The following SCML4 variants were observed in gnomAD, a reference collection of about 807,000 sequenced individuals.
The protein encoded by SCML4 is Scm polycomb group protein like 4, also known as sex comb on midleg-like protein 4.
SCML4 carries 34 observed loss-of-function variants against 41.1 expected under a neutral mutation model. That is an observed-to-expected ratio of 0.83 (90% CI 0.63 to 1.10). SCML4 has a LOEUF of 1.10. Among genes scored for constraint, SCML4 ranks in the 50% least tolerant of loss-of-function variants. The pLI is 0.00. For missense variants in SCML4, 522 were observed against 534.1 expected, an observed-to-expected ratio of 0.98 and a Z score of 0.22; for synonymous variants, 214 against 220.9, an observed-to-expected ratio of 0.97 and a Z score of 0.28.
At chr6:107,784,887 C>G (rs181278143) in intron 1 of SCML4, among the ~76,000 whole-genome samples, 4,871 of 152,282 alleles carry the variant, frequency 0.032, 285 homozygotes, top group African/African-American at 0.11. Context: ...AGTGGTTTGG[C>G]TGAGCAGACC....
intron 6 of SCML4, among the ~76,000 whole-genome samples, chr6:107,712,590 C>A (rs375799120): frequency 6.6e-6 from 1 of 152,002 alleles, no homozygotes; most frequent in Non-Finnish European, 1.5e-5. Context: ...CTGGCTCGGG[C>A]GTGTTTCTTA....
At chr6:107,708,483 A>G (rs1773902683) in intron 6 of SCML4, among the ~76,000 whole-genome samples, 1 of 152,088 alleles carries the variant, frequency 6.6e-6, no homozygotes, top group South Asian at 2.1e-4. Context: ...CATGGCCTTC[A>G]CATTGAGAGG....
intron 2 of SCML4, among the ~76,000 whole-genome samples, chr6:107,756,745 T>C (rs1779146489): frequency 6.6e-6 from 1 of 152,226 alleles, no homozygotes; most frequent in South Asian, 2.1e-4. Context: ...GCAATACTTC[T>C]GTAAACTGAA....
At chr6:107,705,515 C>G (rs1391322955) in intron 7 of SCML4, among the ~76,000 whole-genome samples, 190 bp from the exon 8 acceptor site, 1 of 152,148 alleles carries the variant, frequency 6.6e-6, no homozygotes, top group Non-Finnish European at 1.5e-5. Context: ...TCTCCTCTCC[C>G]CATCATCTCC....
chr6:107,825,716 G>A (rs1361638911), upstream of SCML4, among the ~76,000 whole-genome samples: 9 of 151,902 alleles, frequency 5.9e-5, no homozygotes, highest in Non-Finnish European at 1.0e-4. Flanking sequence ...CAAGGCGGGT[G>A]GATCACGAGG....
Position 107,705,141 on chromosome 6 carries a change from G to A in SCML4, c.*59C>T, listed in dbSNP as rs1773475656. Reference sequence around the variant, plus strand: ...TGTGATGTTGGCGGGATATTGGTAAGGCAGAAGATAATCTTGGGATCTGTT... The same window carrying A: ...TGTGATGTTGGCGGGATATTGGTAAAGCAGAAGATAATCTTGGGATCTGTT... On this transcript the variant is annotated 3_prime_UTR_variant, in exon 8 of 8. Transcript: ENST00000369020. 1 of 1,460,032 alleles carries A rather than the reference G, an allele frequency of 6.8e-7. No homozygotes were observed. The highest frequency in any genetic ancestry group is 1.4e-5 in the African/African-American group (1 of 71,360). The allele number at this position is 1,460,032 out of a possible 1,614,324, so 90.4% of individuals were successfully genotyped here. A position where few individuals can be genotyped will look rare whatever the true frequency, so the allele number is the denominator to read the frequency against.
At chr6:107,776,632 C>T (rs1780973782) in intron 1 of SCML4, among the ~76,000 whole-genome samples, 1 of 152,138 alleles carries the variant, frequency 6.6e-6, no homozygotes, top group Non-Finnish European at 1.5e-5. Context: ...GGCAAGGGTA[C>T]AAATTGGCTA....
At chr6:107,843,078 A>C in the SCML4 span, among the ~76,000 whole-genome samples, 838 of 152,260 alleles carry the variant, frequency 5.5e-3, 10 homozygotes, top group African/African-American at 0.019. Context: ...TATGCATGCA[A>C]TCAAAATACC....
At chr6:107,803,609 G>C (rs546147000) in intron 1 of SCML4, among the ~76,000 whole-genome samples, 26 of 144,952 alleles carry the variant, frequency 1.8e-4, no homozygotes, top group Middle Eastern at 6.9e-3. Context: ...GAATAGAAAC[G>C]GGGGAAAGGT....
chr6:107,718,672 T>A (rs547661721), intron 6 of SCML4: 19 of 152,328 alleles, frequency 1.2e-4, no homozygotes, highest in African/African-American at 4.1e-4. Context: ...GTGATAGAAG[T>A]TCTCTCCAAC....
chr6:107,838,131 C>T, the SCML4 span, among the ~76,000 whole-genome samples: 1 of 152,092 alleles, frequency 6.6e-6, no homozygotes, highest in African/African-American at 2.4e-5. Flanking sequence ...TGGTCTTGAA[C>T]TCTTGACCTC....
chr6:107,712,885 T>C (rs1774366897), intron 6 of SCML4, among the ~76,000 whole-genome samples: 1 of 152,152 alleles, frequency 6.6e-6, no homozygotes, highest in Non-Finnish European at 1.5e-5. Flanking sequence ...ACATGATGGA[T>C]GTGGAAAAGT....
At chr6:107,781,218 T>A (rs1455512401) in intron 1 of SCML4, among the ~76,000 whole-genome samples, 4 of 151,680 alleles carry the variant, frequency 2.6e-5, no homozygotes, top group Non-Finnish European at 5.9e-5. Flanking sequence ...GCAACAAAAA[T>A]TAGAAACAAA....
At chr6:107,711,423 G>T (rs1282551516) in intron 6 of SCML4, among the ~76,000 whole-genome samples, 2 of 152,170 alleles carry the variant, frequency 1.3e-5, no homozygotes, top group Non-Finnish European at 2.9e-5. Context: ...CCAGTATTCA[G>T]TACAGTAACA....
chr6:107,802,310 T>C (rs1783200340), intron 1 of SCML4, among the ~76,000 whole-genome samples: 2 of 152,244 alleles, frequency 1.3e-5, no homozygotes, highest in East Asian at 1.9e-4. Flanking sequence ...TTATTTGACA[T>C]TGATGGTCCA....
intron 2 of SCML4, among the ~76,000 whole-genome samples, chr6:107,757,358 C>A (rs1323437208): frequency 6.6e-6 from 1 of 152,162 alleles, no homozygotes; most frequent in African/African-American, 2.4e-5. Context: ...AAACATCTGG[C>A]TTTGGCAGTA....
chr6:107,811,906 A>T (rs1784185482), intron 1 of SCML4, among the ~76,000 whole-genome samples: 1 of 152,206 alleles, frequency 6.6e-6, no homozygotes, highest in South Asian at 2.1e-4. Context: ...TAACCATCCC[A>T]TCTGAACTGT....
chr6:107,784,307 C>A (rs1411316020), intron 1 of SCML4, among the ~76,000 whole-genome samples: 3 of 152,058 alleles, frequency 2.0e-5, no homozygotes. Flanking sequence ...GAGAAGGGAC[C>A]CAGAGGATGG....
chr6:107,720,129 C>T, intron 6 of SCML4: 5 of 983,594 alleles, frequency 5.1e-6, no homozygotes, highest in Non-Finnish European at 4.8e-6. Flanking sequence ...CAATTCTTTA[C>T]CAAGGTCTGG....
Sources: allele counts gnomAD v4.1 joint callset (sites outside exome capture counted in the v4.1 genomes callset), GRCh38; gene constraint gnomAD v4.1.1; transcripts MANE v1.5; gene names NCBI Gene and HGNC (gene_info 2026-07-23, HGNC 2026-07-21).